Variants in CUX1 observed in about 807,000 individuals in gnomAD.
CUX1 encodes protein CASP.
A neutral mutation model predicts 158.8 loss-of-function variants in CUX1; 31 were observed. The observed-to-expected ratio is 0.20, with a 90% confidence interval of 0.15 to 0.26. The LOEUF (loss-of-function observed/expected upper bound fraction) is 0.26, where lower values mean the gene tolerates loss of function less well. Among genes scored for constraint, CUX1 ranks in the 10% least tolerant of loss-of-function variants. The pLI is 1.00. For synonymous variants in CUX1, 879 were observed against 862.1 expected (o/e 1.02, Z -0.34); for missense variants, 1,589 against 2,014.6 (o/e 0.79, Z 4.04).
At chr7:102,024,705 C>T (rs566315723) in intron 2 of CUX1, among the ~76,000 whole-genome samples, 21 of 152,128 alleles carry the variant, frequency 1.4e-4, no homozygotes, top group East Asian at 1.9e-4. Flanking sequence ...GCCCCATGGT[C>T]GTTTTCCCTG....
chr7:102,179,310 A>C (rs1343627081), intron 11 of CUX1, among the ~76,000 whole-genome samples: 3 of 152,196 alleles, frequency 2.0e-5, no homozygotes, highest in African/African-American at 7.2e-5. Context: ...AGGTTGCCAA[A>C]GTGCTGAGAT....
chr7:102,097,499 A>C lies in CUX1; in HGVS notation c.404A>C (p.Gln135Pro). The C allele has an allele frequency of 3.1e-6, 5 of 1,590,972 alleles. No homozygotes were observed. Among genetic ancestry groups the C allele is most frequent in the Non-Finnish European group, 4.3e-6 (5 of 1,174,238 alleles). The stretch of plus-strand genomic sequence containing the variant: ...AAGGAATTTGCTGAAGTGAAAAATC[A>C]AGGTTGGTGGAAAATGCGTTCTTTG... ...YNKEFAEVKN[Q>P]EVTIKALKEK... is the part of the protein sequence containing the mutation. Residue 135 changes from glutamine to proline, a missense_variant and splice_region_variant, in exon 5 of 24, where the codon CAA (glutamine) becomes CCA (proline). Coordinates refer to ENST00000292535, the MANE Select transcript of CUX1 (RefSeq NM_181552.4).
intron 3 of CUX1, among the ~76,000 whole-genome samples, chr7:102,033,195 TC>T (rs1194051810): frequency 2.6e-4 from 39 of 152,318 alleles, no homozygotes; most frequent in African/African-American, 9.4e-4. Flanking sequence ...ACGCCTGTAG[TC>T]CCAGCACTTT....
intron 3 of CUX1, among the ~76,000 whole-genome samples, chr7:102,031,752 C>T (rs547297860): frequency 3.6e-4 from 55 of 152,120 alleles, no homozygotes; most frequent in African/African-American, 1.2e-3. Flanking sequence ...ACATATGCAT[C>T]GTCTCCCTTA....
chr7:102,227,966 T>TTA (rs1362686029), intron 21 of CUX1, among the ~76,000 whole-genome samples: 1 of 148,274 alleles, frequency 6.7e-6, no homozygotes, highest in Non-Finnish European at 1.5e-5. Context: ...TTTTTTTTTT[T>TTA]TTTTGAGACA....
Position 101,964,808 on chromosome 7 carries a change from A to G in CUX1, c.141+48583A>G, listed in dbSNP as rs1397683213. Among the ~76,000 whole-genome samples the G allele has an allele frequency of 2.0e-5, 3 of 152,154 alleles. No individual in the cohort carries two copies. In the East Asian group the frequency reaches 5.8e-4, roughly 29 times the overall value. ...GCCTGGCGCTGGCCTTAATTGGAGG[A>G]TGGTTGCATTTGGACCAGAGCAGAG... On this transcript the variant is annotated intron_variant, in intron 2 of 23. Transcript: ENST00000292535.
chr7:101,862,202 A>G (rs1797531706), intron 1 of CUX1, among the ~76,000 whole-genome samples: 1 of 151,702 alleles, frequency 6.6e-6, no homozygotes, highest in Non-Finnish European at 1.5e-5. Context: ...GATGATATCT[A>G]TTGACATAGT....
intron 14 of CUX1, among the ~76,000 whole-genome samples, chr7:102,266,969 TTGCA>T (rs1256581274): frequency 1.3e-5 from 2 of 152,058 alleles, no homozygotes; most frequent in African/African-American, 4.8e-5. Flanking sequence ...GAGAACATGC[TTGCA>T]TGCATGTAGA....
intron 17 of CUX1, among the ~76,000 whole-genome samples, chr7:102,275,727 A>G (rs576449294): frequency 6.6e-6 from 1 of 152,256 alleles, no homozygotes; most frequent in African/African-American, 2.4e-5. Flanking sequence ...ATGCAGGGTG[A>G]GCCAGGTGCG....
intron 8 of CUX1, among the ~76,000 whole-genome samples, chr7:102,118,591 A>G (rs1831682207): frequency 1.3e-5 from 2 of 152,330 alleles, no homozygotes; most frequent in South Asian, 2.1e-4. Context: ...GCATGAAGGA[A>G]GATGGGTTTT....
chr7:101,907,722 C>A (rs575552668), intron 1 of CUX1, among the ~76,000 whole-genome samples: 1 of 151,880 alleles, frequency 6.6e-6, no homozygotes, highest in Non-Finnish European at 1.5e-5. Flanking sequence ...ATGGAGCCCA[C>A]GAAGAGAACA....
chr7:102,216,869 TCACACACACATTATCTCACACACA>T (rs1371888693), intron 20 of CUX1, among the ~76,000 whole-genome samples: 1 of 112,374 alleles, frequency 8.9e-6, no homozygotes, highest in Non-Finnish European at 1.8e-5. Flanking sequence ...ACACATTCTC[TCACACACACATTATCTCACACACA>T]CACACACACA....
chr7:102,204,715 C>T (rs554352743), intron 19 of CUX1, among the ~76,000 whole-genome samples, 159 bp downstream of exon 19: 3 of 152,316 alleles, frequency 2.0e-5, no homozygotes, highest in East Asian at 3.9e-4. Context: ...GGGACAGAAC[C>T]GTCCCCTTCC....
chr7:102,179,327 T>A (rs1425555119), intron 11 of CUX1, among the ~76,000 whole-genome samples: 1 of 152,196 alleles, frequency 6.6e-6, no homozygotes, highest in Non-Finnish European at 1.5e-5. Flanking sequence ...AGATTACAGG[T>A]CTGAGCCTCT....
chr7:102,237,287 C>G (rs1411722683), intron 22 of CUX1, among the ~76,000 whole-genome samples: 2 of 151,922 alleles, frequency 1.3e-5, no homozygotes, highest in East Asian at 1.9e-4. Context: ...GGCAGTGATG[C>G]AATCATAGCT....
chr7:102,253,259 G>C lies in CUX1; in HGVS notation c.*4217G>C. On this transcript the variant is annotated 3_prime_UTR_variant, in exon 24 of 24. Coordinates refer to ENST00000292535, the MANE Select transcript of CUX1 (RefSeq NM_181552.4). The stretch of plus-strand genomic sequence containing the variant: ...CCTTTCTGGCCACCGCCCAAGCCCA[G>C]GTGGCCAGCTCTCATACCCCATCTC... 1 of 985,608 alleles carries C rather than the reference G, an allele frequency of 1.0e-6. No homozygotes were observed. The highest frequency in any genetic ancestry group is 4.7e-5 in the South Asian group (1 of 21,288). The allele number at this position is 985,608 out of a possible 1,614,324, so 61.1% of individuals were successfully genotyped here. A position where few individuals can be genotyped will look rare whatever the true frequency, so the allele number is the denominator to read the frequency against.
intron 3 of CUX1, among the ~76,000 whole-genome samples, chr7:102,044,744 C>T (rs766765080): frequency 5.9e-5 from 9 of 152,054 alleles, no homozygotes; most frequent in Non-Finnish European, 8.8e-5. Context: ...GGTTCCTAGA[C>T]GCCCACAAGC....
At position 102,073,176 on chromosome 7, in the gene CUX1, T is replaced by C. The variant is rs1399023713; in HGVS notation, c.268+2759T>C. ...AATCTCTTTTCTTTCTTTTTTTTTT[T>C]TTTTTTTTTTTTTCTGAGACAGAGT... On this transcript the variant is annotated intron_variant, in intron 4 of 23. Coordinates refer to ENST00000292535, the MANE Select transcript of CUX1 (RefSeq NM_181552.4). Among the ~76,000 whole-genome samples, 5 of 124,390 alleles carry C rather than the reference T, an allele frequency of 4.0e-5. 1 individual carries two copies. Among genetic ancestry groups the C allele is most frequent in the South Asian group, 2.9e-4 (1 of 3,464 alleles). 81.6% of individuals were successfully genotyped at this position (124,390 alleles called of 152,430 possible). A position where few individuals can be genotyped will look rare whatever the true frequency, so the allele number is the denominator to read the frequency against.
At chr7:101,852,780 A>G (rs1796410733) in intron 1 of CUX1, among the ~76,000 whole-genome samples, 1 of 140,514 alleles carries the variant, frequency 7.1e-6, no homozygotes, top group African/African-American at 2.7e-5. Flanking sequence ...GGGTTCAAGC[A>G]TTTCTCCTGT....
Sources: gnomAD v4.1 joint callset for allele counts (sites outside exome capture counted in the v4.1 genomes callset) on GRCh38, gnomAD v4.1.1 for gene constraint, MANE v1.5 for transcripts, NCBI Gene and HGNC (gene_info 2026-07-23, HGNC 2026-07-21) for gene names.